The following STPG2 variants were observed in gnomAD, a reference collection of about 807,000 sequenced individuals.
STPG2 encodes sperm-tail PG-rich repeat-containing protein 2.
In STPG2, 56 loss-of-function variants were observed where a neutral mutation model predicts 54.2. The observed-to-expected ratio is 1.03, with a 90% CI of 0.83 to 1.29. The LOEUF is 1.29. Ranked by LOEUF, STPG2 falls within the 50% of genes most tolerant of loss-of-function variation. The pLI is 0.00. For missense variants in STPG2, 596 were observed against 544.9 expected (o/e 1.09, Z -0.93); for synonymous variants, 200 against 181.8 (o/e 1.10, Z -0.81).
chr4:97,940,866 T>C (rs1732950712), intron 8 of STPG2, among the ~76,000 whole-genome samples: 1 of 128,360 alleles, frequency 7.8e-6, no homozygotes, highest in South Asian at 2.6e-4. Context: ...AAATGACTTC[T>C]TCATTAATTA....
At chr4:97,694,979 A>G (rs1406945979) in intron 10 of STPG2, among the ~76,000 whole-genome samples, 1 of 151,832 alleles carries the variant, frequency 6.6e-6, no homozygotes, top group African/African-American at 2.4e-5. Flanking sequence ...TCCTTCCTAA[A>G]TCATTCCATG....
At chr4:98,076,383 T>TA (rs1738169205) in intron 5 of STPG2, among the ~76,000 whole-genome samples, 1 of 152,226 alleles carries the variant, frequency 6.6e-6, no homozygotes, top group Non-Finnish European at 1.5e-5. Context: ...TTTAATCTCA[T>TA]AAACAGCTTG....
intron 8 of STPG2, among the ~76,000 whole-genome samples, chr4:97,896,225 A>C (rs891801546): frequency 2.0e-5 from 3 of 151,804 alleles, no homozygotes. Flanking sequence ...TGAACTCATC[A>C]CTGTGGCAAG....
intron 4 of STPG2, among the ~76,000 whole-genome samples, chr4:98,107,851 C>G (rs1025344297): frequency 6.6e-6 from 1 of 151,902 alleles, no homozygotes; most frequent in African/African-American, 2.4e-5. Flanking sequence ...TACTGAAGAA[C>G]AAAAGCATAT....
chr4:97,986,983 C>G (rs904046612), intron 5 of STPG2, among the ~76,000 whole-genome samples: 13 of 152,028 alleles, frequency 8.6e-5, no homozygotes, highest in Non-Finnish European at 1.5e-4. Flanking sequence ...TTTTCCAGGC[C>G]CTGGTACTCC....
intron 5 of STPG2, among the ~76,000 whole-genome samples, chr4:98,002,987 A>C (rs568698853): frequency 6.6e-6 from 1 of 152,238 alleles, no homozygotes; most frequent in African/African-American, 2.4e-5. Context: ...AGGCAGCTAT[A>C]TGCAACTCAA....
intron 9 of STPG2, 123 bp downstream of exon 9, chr4:97,840,650 T>G: frequency 1.8e-6 from 2 of 1,107,498 alleles, no homozygotes; most frequent in Non-Finnish European, 2.6e-6. Flanking sequence ...GAAAAATGGT[T>G]TTGTTATACA....
At chr4:97,444,183 C>T (rs1207725528) in intron 4 of STPG2, among the ~76,000 whole-genome samples, 2 of 151,994 alleles carry the variant, frequency 1.3e-5, no homozygotes, top group East Asian at 3.9e-4. Context: ...AATTTAATAT[C>T]TGTAATTGCA....
At chr4:97,681,763 AAT>A (rs2148979728) in intron 10 of STPG2, among the ~76,000 whole-genome samples, 1 of 151,866 alleles carries the variant, frequency 6.6e-6, no homozygotes, top group African/African-American at 2.4e-5. Context: ...GAGTTGCTCT[AAT>A]ATTATTCATT....
chr4:98,075,482 C>G (rs1248969542), intron 5 of STPG2, among the ~76,000 whole-genome samples: 1 of 152,114 alleles, frequency 6.6e-6, no homozygotes. Flanking sequence ...TAAAAAGATG[C>G]CTTGATAGAA....
intron 8 of STPG2, among the ~76,000 whole-genome samples, chr4:97,901,454 C>A (rs1286652487): frequency 6.6e-6 from 1 of 151,732 alleles, no homozygotes; most frequent in Non-Finnish European, 1.5e-5. Flanking sequence ...CTACTGCCCC[C>A]CCAAAAAAAG....
intron 5 of STPG2, chr4:98,026,023 T>TTACAA: frequency 9.7e-7 from 1 of 1,033,418 alleles, no homozygotes; most frequent in Non-Finnish European, 1.5e-6. Flanking sequence ...ACATGTAAGA[T>TTACAA]GAAGATAATT....
chr4:97,855,977 GGTGT>G (rs1212115182), intron 8 of STPG2, among the ~76,000 whole-genome samples: 2 of 152,106 alleles, frequency 1.3e-5, no homozygotes, highest in African/African-American at 2.4e-5. Context: ...GATGGCTGTA[GGTGT>G]GTGGTCTTAC....
chr4:98,057,085 C>G (rs953864663), intron 5 of STPG2, among the ~76,000 whole-genome samples: 1 of 152,134 alleles, frequency 6.6e-6, no homozygotes, highest in Non-Finnish European at 1.5e-5. Context: ...GGTAGGTAAG[C>G]CCACAAAGAT....
intron 8 of STPG2, among the ~76,000 whole-genome samples, chr4:97,910,258 A>G (rs895114937): frequency 6.6e-6 from 1 of 152,216 alleles, no homozygotes; most frequent in Non-Finnish European, 1.5e-5. Flanking sequence ...TAAGTAAATA[A>G]CAGCAAAAGG....
At chr4:97,875,187 T>A (rs985196261) in intron 8 of STPG2, among the ~76,000 whole-genome samples, 3 of 152,016 alleles carry the variant, frequency 2.0e-5, no homozygotes, top group African/African-American at 7.2e-5. Flanking sequence ...ATATTTGCTT[T>A]CATTTCCCTT....
chr4:97,735,354 T>G (rs1724947092), intron 9 of STPG2, among the ~76,000 whole-genome samples: 1 of 151,076 alleles, frequency 6.6e-6, no homozygotes, highest in African/African-American at 2.4e-5. Context: ...AAGCTATGAG[T>G]ATGCAAAGTC....
intron 10 of STPG2, among the ~76,000 whole-genome samples, chr4:97,597,177 G>A (rs1303744883): frequency 6.6e-6 from 1 of 151,980 alleles, no homozygotes; most frequent in Non-Finnish European, 1.5e-5. Context: ...ATAAATTCCT[G>A]TACACATTCA....
chr4:98,073,088 C>T (rs1392726810), intron 5 of STPG2, among the ~76,000 whole-genome samples: 1 of 152,040 alleles, frequency 6.6e-6, no homozygotes, highest in East Asian at 1.9e-4. Context: ...TTCATTCATG[C>T]TGCTTAAGGA....
Sources: allele counts gnomAD v4.1 joint callset (sites outside exome capture counted in the v4.1 genomes callset), GRCh38; gene constraint gnomAD v4.1.1; transcripts MANE v1.5; gene names NCBI Gene and HGNC (gene_info 2026-07-23, HGNC 2026-07-21).